The following NLRC3 variants were observed in gnomAD, a reference collection of about 807,000 sequenced individuals.
NLRC3 encodes the protein NLR family CARD domain-containing protein 3.
In NLRC3, 87 loss-of-function variants were observed where a neutral mutation model predicts 91.6. The ratio of observed to expected loss-of-function variants is 0.95; its 90% CI spans 0.80 to 1.14. The LOEUF (loss-of-function observed/expected upper bound fraction) is 1.14, where lower values mean the gene tolerates loss of function less well. NLRC3 is among the 50% of genes most tolerant of loss of function. The pLI, the probability that NLRC3 is intolerant of heterozygous loss-of-function variation, is 0.00. For synonymous variants in NLRC3, 694 were observed against 625.3 expected, an observed-to-expected ratio of 1.11 and a Z score of -1.64; for missense variants, 1,577 against 1,418.6, an observed-to-expected ratio of 1.11 and a Z score of -1.79.
rs746819049 is a variant in NLRC3, at chr16:3,564,776, G to A, written c.179-18C>T. On this transcript the variant is annotated intron_variant, in intron 4 of 19. Transcript: ENST00000359128. The surrounding 1 kb of genome is among the most constrained non-coding windows in gnomAD (Gnocchi z 5.9). Reference sequence around the variant, plus strand: ...CCTTGAGTCTGCGGGACAGAGGCCAGTGGGGAGGTCTGGTAAGGGAAGAGT... The same window carrying A: ...CCTTGAGTCTGCGGGACAGAGGCCAATGGGGAGGTCTGGTAAGGGAAGAGT... The A allele has an allele frequency of 1.3e-6, 2 of 1,568,064 alleles. No homozygotes were observed. The highest frequency in any genetic ancestry group is 2.3e-5 in the East Asian group (1 of 44,350).
chr16:3,552,182 T>C lies in NLRC3; in HGVS notation c.2351+14A>G, dbSNP rs750533713. 3 of 1,541,224 alleles carry C rather than the reference T, an allele frequency of 1.9e-6. No homozygotes were observed. The highest frequency in any genetic ancestry group is 2.2e-5 in the East Asian group (1 of 44,552). On this transcript the variant is annotated intron_variant, in intron 10 of 19. Coordinates refer to ENST00000359128, the MANE Select transcript of NLRC3 (RefSeq NM_178844.4). ...GCACTGAGGATACTAGTGTGGGCCT[T>C]TCATATGTCTCACATGAGCTCTTTC...
intron 1 of NLRC3, among the ~76,000 whole-genome samples, chr16:3,576,434 G>A (rs2040295899): frequency 6.6e-6 from 1 of 152,186 alleles, no homozygotes; most frequent in South Asian, 2.1e-4. Context: ...CAGGTGGGGT[G>A]CTGAGGCCCA....
intron 2 of NLRC3, among the ~76,000 whole-genome samples, chr16:3,566,047 AAC>A (rs2039868784): frequency 6.6e-6 from 1 of 150,922 alleles, no homozygotes; most frequent in African/African-American, 2.4e-5. Flanking sequence ...CTCTAAGAAA[AAC>A]AAAATAAAAC....
chr16:3,562,508 G>C (rs771546681), intron 5 of NLRC3, among the ~76,000 whole-genome samples: 1 of 152,148 alleles, frequency 6.6e-6, no homozygotes, highest in African/African-American at 2.4e-5. Context: ...AGGCATGATG[G>C]CGGGCACCTG....
intron 12 of NLRC3, 47 bp downstream of exon 12, chr16:3,549,650 G>C (rs1420231426): frequency 7.4e-7 from 1 of 1,358,824 alleles, no homozygotes; most frequent in Admixed American, 2.0e-5. Flanking sequence ...GCAGACAGGT[G>C]CCTCGTCAAA....
intron 19 of NLRC3, 84 bp from the exon 20 acceptor site, chr16:3,541,999 C>G: frequency 1.2e-6 from 1 of 861,348 alleles, no homozygotes; most frequent in East Asian, 2.6e-5. Flanking sequence ...ATGCAGGACC[C>G]CATGCAAAGC....
intron 15 of NLRC3, among the ~76,000 whole-genome samples, chr16:3,545,984 AC>A (rs1238678475): frequency 1.3e-5 from 2 of 152,148 alleles, no homozygotes; most frequent in Non-Finnish European, 2.9e-5. Context: ...GGTGGAGGCT[AC>A]CACAGGGATG....
chr16:3,574,165 G>A (rs2040199385), intron 1 of NLRC3, among the ~76,000 whole-genome samples: 1 of 151,600 alleles, frequency 6.6e-6, no homozygotes, highest in Admixed American at 6.6e-5. Flanking sequence ...TGGGATTATA[G>A]GCACCCACCA....
chr16:3,576,477 C>G (rs1359183696), intron 1 of NLRC3, among the ~76,000 whole-genome samples: 1 of 152,128 alleles, frequency 6.6e-6, no homozygotes, highest in African/African-American at 2.4e-5. Flanking sequence ...GTCCCAGTGC[C>G]AGGAAGGGTG....
intron 9 of NLRC3, 47 bp downstream of exon 9, chr16:3,554,195 G>T (rs143102514): frequency 2.1e-6 from 3 of 1,401,456 alleles, no homozygotes; most frequent in African/African-American, 2.8e-5. Context: ...CCTTGGAGGA[G>T]GAGGGAGAAG....
In NLRC3 at chr16:3,541,401, T is replaced by C; in HGVS notation, c.*424A>G. 1 of 162,786 alleles carries C rather than the reference T, an allele frequency of 6.1e-6. No individual in the cohort carries two copies. The highest frequency in any genetic ancestry group is 1.3e-5 in the Non-Finnish European group (1 of 75,092). The allele number at this position is 162,786 out of a possible 1,614,324, so 10.1% of individuals were successfully genotyped here. On this transcript the variant is annotated 3_prime_UTR_variant, in exon 20 of 20. Coordinates refer to ENST00000359128, the MANE Select transcript of NLRC3 (RefSeq NM_178844.4). Reference sequence around the variant, plus strand: ...GTTACCCCTACCAAACGGATGCTCCTCACGGGCTTGAGGTGGCAGCTCATC... The same window carrying C: ...GTTACCCCTACCAAACGGATGCTCCCCACGGGCTTGAGGTGGCAGCTCATC...
At chr16:3,548,247 G>A (rs375742043) in intron 14 of NLRC3, 29 bp from the exon 15 acceptor site, 4 of 1,501,586 alleles carry the variant, frequency 2.7e-6, no homozygotes, top group Non-Finnish European at 1.8e-6. Context: ...ATGTGACTAT[G>A]TGACTATGTG....
chr16:3,560,497 C>T (rs1046428543), intron 6 of NLRC3, among the ~76,000 whole-genome samples: 2 of 152,182 alleles, frequency 1.3e-5, no homozygotes, highest in Non-Finnish European at 2.9e-5. Flanking sequence ...GCAACAGCCA[C>T]CCTCAGAGGA....
intron 1 of NLRC3, among the ~76,000 whole-genome samples, chr16:3,575,297 C>A (rs984762758): frequency 9.9e-5 from 15 of 152,208 alleles, no homozygotes; most frequent in Non-Finnish European, 1.8e-4. Flanking sequence ...CTGCCAGGCC[C>A]TGCACGCAGC....
At chr16:3,576,037 C>A (rs968405817) in intron 1 of NLRC3, among the ~76,000 whole-genome samples, 3 of 152,200 alleles carry the variant, frequency 2.0e-5, no homozygotes, top group African/African-American at 7.2e-5. Context: ...CTGCTCACTG[C>A]ATGGACCCCT....
intron 10 of NLRC3, 46 bp downstream of exon 10, chr16:3,552,150 G>T: frequency 1.7e-6 from 2 of 1,156,896 alleles, no homozygotes; most frequent in Non-Finnish European, 1.3e-6. Flanking sequence ...GTTGGGCATT[G>T]TGCTGGGCAC....
Position 3,563,741 on chromosome 16 carries a change from G to A in NLRC3, c.1196C>T (p.Thr399Ile), listed in dbSNP as rs1353112067. 6.2e-6 allele frequency: 10 copies of A among 1,613,504 alleles called. 1 individual carries two copies. Among genetic ancestry groups the A allele is most frequent in the Admixed American group, 1.7e-5 (1 of 59,992 alleles). Residue 399 changes from threonine (T) to isoleucine (I), a missense_variant, in exon 5 of 20, where the codon ACA (threonine) becomes ATA (isoleucine). By Grantham distance (89) the Thr-to-Ile change is moderately conservative. Coordinates refer to ENST00000359128, the MANE Select transcript of NLRC3 (RefSeq NM_178844.4). The part of the protein sequence containing the change: ...VAHGGRKMVG[T>I]LGRLAFHGLL... ...CCCATGGAAGGCCAGACGGCCCAAT[G>A]TCCCCACCATCTTGCGGCCACCATG...
rs557692578 is a variant in NLRC3, at chr16:3,576,386, T to C, written c.-169+763A>G. Among the ~76,000 whole-genome samples the C allele has an allele frequency of 2.0e-5, 3 of 152,262 alleles. 1 individual carries two copies. Among genetic ancestry groups the C allele is most frequent in the African/African-American group, 7.2e-5 (3 of 41,564 alleles). On this transcript the variant is annotated intron_variant, in intron 1 of 19. Coordinates refer to ENST00000359128, the MANE Select transcript of NLRC3 (RefSeq NM_178844.4). ...GCGGCGCCTGCACCCTCCCTGCCCC[T>C]CATGACCTCGCCCCTCCTGTGCTGT...
At chr16:3,549,430 G>T (rs549882417) in intron 12 of NLRC3, among the ~76,000 whole-genome samples, 1 of 152,170 alleles carries the variant, frequency 6.6e-6, no homozygotes, top group African/African-American at 2.4e-5. Context: ...AGGACCATCC[G>T]CAGTACAGGG....
Sources: allele counts gnomAD v4.1 joint callset (sites outside exome capture counted in the v4.1 genomes callset), GRCh38; gene constraint gnomAD v4.1.1; non-coding constraint Gnocchi (gnomAD v3.1); transcripts MANE v1.5; gene names NCBI Gene and HGNC (gene_info 2026-07-23, HGNC 2026-07-21).